The following TRAPPC9 variants were observed in gnomAD, a reference collection of about 807,000 sequenced individuals.
The protein encoded by TRAPPC9 is IKK2 binding protein.
TRAPPC9 carries 83 observed loss-of-function variants against 124.0 expected under a neutral mutation model. The ratio of observed to expected loss-of-function variants is 0.67; its 90% CI spans 0.56 to 0.80. TRAPPC9 has a LOEUF of 0.80. Among genes scored for constraint, TRAPPC9 ranks in the 30% least tolerant of loss-of-function variants. The probability of loss-of-function intolerance (pLI) is 0.00; values close to 1 mark genes in which losing one functional copy is unlikely to be tolerated. For missense variants in TRAPPC9, 1,302 were observed against 1,508.3 expected (o/e 0.86, Z 2.27); for synonymous variants, 638 against 617.5 (o/e 1.03, Z -0.49).
At chr8:140,291,442 T>C (rs2065655968) in intron 11 of TRAPPC9, among the ~76,000 whole-genome samples, 1 of 152,168 alleles carries the variant, frequency 6.6e-6, no homozygotes, top group African/African-American at 2.4e-5. Context: ...CACTTGTGAG[T>C]AACACGGAGT....
chr8:139,811,040 G>A (rs1181231144), intron 21 of TRAPPC9, among the ~76,000 whole-genome samples: 1 of 152,088 alleles, frequency 6.6e-6, no homozygotes, highest in Non-Finnish European at 1.5e-5. Flanking sequence ...TAAATGAAGG[G>A]GAAGACAAAG....
chr8:140,192,747 C>T (rs781459247), intron 17 of TRAPPC9, among the ~76,000 whole-genome samples: 1 of 152,166 alleles, frequency 6.6e-6, no homozygotes, highest in Non-Finnish European at 1.5e-5. Flanking sequence ...GGATATTTTC[C>T]CCAAACACCC....
chr8:140,138,590 C>T (rs1030007968), intron 17 of TRAPPC9, among the ~76,000 whole-genome samples: 1 of 152,162 alleles, frequency 6.6e-6, no homozygotes, highest in Admixed American at 6.5e-5. Context: ...TCTGGCCTGA[C>T]TGATCCCAGA....
At chr8:140,260,332 T>C (rs2064374315) in intron 15 of TRAPPC9, among the ~76,000 whole-genome samples, 1 of 152,258 alleles carries the variant, frequency 6.6e-6, no homozygotes, top group Non-Finnish European at 1.5e-5. Flanking sequence ...ATGCTTTCTA[T>C]GGTGTCCTAC....
intron 11 of TRAPPC9, among the ~76,000 whole-genome samples, chr8:140,300,089 AT>A (rs1395252687): frequency 6.6e-6 from 1 of 152,232 alleles, no homozygotes; most frequent in African/African-American, 2.4e-5. Flanking sequence ...CTTATATGAA[AT>A]AAATTTTTTA....
At chr8:140,152,910 A>G (rs1393719754) in intron 17 of TRAPPC9, among the ~76,000 whole-genome samples, 1 of 152,086 alleles carries the variant, frequency 6.6e-6, no homozygotes, top group African/African-American at 2.4e-5. Flanking sequence ...TTTTTGCACA[A>G]TGTTGAATCT....
intron 21 of TRAPPC9, among the ~76,000 whole-genome samples, chr8:139,858,016 G>A (rs1490137389): frequency 6.6e-6 from 1 of 152,212 alleles, no homozygotes; most frequent in Admixed American, 6.5e-5. Flanking sequence ...TTCACCATCT[G>A]GGAGAACTGC....
chr8:140,196,873 C>T (rs112339326), intron 17 of TRAPPC9, among the ~76,000 whole-genome samples: 2,816 of 152,260 alleles, frequency 0.018, 78 homozygotes, highest in African/African-American at 0.064. Flanking sequence ...ACAGACCACA[C>T]CTGTGATACT....
intron 5 of TRAPPC9, among the ~76,000 whole-genome samples, chr8:140,418,770 A>ATAGG (rs1554683703): frequency 1.0e-3 from 153 of 150,046 alleles, no homozygotes; most frequent in African/African-American, 3.5e-3. Context: ...AGATAGATAG[A>ATAGG]TAGACAGACA....
Position 140,439,061 on chromosome 8 carries a change from A to C in TRAPPC9, c.721T>G (p.Trp241Gly). The change falls in exon 3 of 23, where the codon TGG (tryptophan) becomes GGG (glycine). Residue 241 changes from tryptophan (W) to glycine (G), a missense_variant. Trp to Gly is a radical substitution (Grantham distance 184). This residue lies in a region of TRAPPC9 where 657 missense variants were observed against 811.2 expected (regional missense o/e 0.81). Coordinates refer to ENST00000438773, the MANE Select transcript of TRAPPC9 (RefSeq NM_001160372.4). ...ELLRSVNDFL[W>G]LGAALEGLCS... ...CATCAGCTCATCTTACCTCCAAGCC[A>C]CAGAAAGTCATTCACAGAACGCAGC... The C allele has an allele frequency of 6.2e-7, 1 of 1,614,206 alleles. No homozygotes were observed. Among genetic ancestry groups the C allele is most frequent in the Non-Finnish European group, 8.5e-7 (1 of 1,180,040 alleles).
intron 7 of TRAPPC9, among the ~76,000 whole-genome samples, chr8:140,379,500 C>G (rs1055584839): frequency 6.6e-6 from 1 of 152,060 alleles, no homozygotes; most frequent in African/African-American, 2.4e-5. Flanking sequence ...TTACACCTTC[C>G]CTAAGAGAAT....
At chr8:140,020,832 A>C (rs2131902383) in intron 18 of TRAPPC9, among the ~76,000 whole-genome samples, 1 of 152,316 alleles carries the variant, frequency 6.6e-6, no homozygotes, top group East Asian at 1.9e-4. Flanking sequence ...ATTTGTAAAC[A>C]GTTTCATTTG....
At chr8:140,105,379 T>A (rs963464429) in intron 17 of TRAPPC9, among the ~76,000 whole-genome samples, 1 of 152,226 alleles carries the variant, frequency 6.6e-6, no homozygotes, top group African/African-American at 2.4e-5. Context: ...GTTATCCAGT[T>A]TGATTCCCTG....
intron 17 of TRAPPC9, among the ~76,000 whole-genome samples, chr8:140,207,444 G>A (rs1038716574): frequency 1.3e-5 from 2 of 152,156 alleles, no homozygotes. Context: ...TTGGCTTTCT[G>A]TCAGTCATTC....
intron 17 of TRAPPC9, among the ~76,000 whole-genome samples, chr8:140,215,230 C>T (rs1392769945): frequency 1.3e-5 from 2 of 152,158 alleles, no homozygotes; most frequent in African/African-American, 4.8e-5. Context: ...CAGGACGCAC[C>T]CACGCTCCTT....
At chr8:140,164,376 CT>C (rs2061798364) in intron 17 of TRAPPC9, among the ~76,000 whole-genome samples, 1 of 152,246 alleles carries the variant, frequency 6.6e-6, no homozygotes, top group African/African-American at 2.4e-5. Flanking sequence ...CACATTTCTC[CT>C]GCTGGGTCTC....
At chr8:140,300,691 T>C (rs752875819) in intron 10 of TRAPPC9, 77 bp from the exon 11 acceptor site, 7 of 1,573,794 alleles carry the variant, frequency 4.4e-6, no homozygotes, top group Non-Finnish European at 6.1e-6. Context: ...CCAAACATGA[T>C]GTATCAGAAA....
At chr8:140,387,925 G>A (rs954516411) in intron 7 of TRAPPC9, among the ~76,000 whole-genome samples, 9 of 152,142 alleles carry the variant, frequency 5.9e-5, no homozygotes, top group Middle Eastern at 3.4e-3. Context: ...AAATGCACAC[G>A]TATGTTTATT....
chr8:140,222,566 C>T (rs2063358854), intron 16 of TRAPPC9, among the ~76,000 whole-genome samples: 1 of 152,196 alleles, frequency 6.6e-6, no homozygotes, highest in African/African-American at 2.4e-5. Flanking sequence ...AAAGGGGGCT[C>T]ACACCCTGCC....
Sources: allele counts gnomAD v4.1 joint callset (sites outside exome capture counted in the v4.1 genomes callset), GRCh38; gene constraint gnomAD v4.1.1; regional missense constraint gnomAD v4.1.1; transcripts MANE v1.5; gene names NCBI Gene and HGNC (gene_info 2026-07-23, HGNC 2026-07-21).